Variants in SAMMSON observed in about 807,000 individuals in gnomAD.
SAMMSON encodes long intergenic non-protein coding RNA 1212.
At chr3:70,234,905 A>G (rs1701592927) in intron 4 of SAMMSON, among the ~76,000 whole-genome samples, 1 of 152,164 alleles carries the variant, frequency 6.6e-6, no homozygotes, top group Non-Finnish European at 1.5e-5. Context: ...TGCCTTGGAC[A>G]TCTTCAGCCT....
chr3:70,292,089 TATG>T (rs572681351), intron 7 of SAMMSON: 40 of 152,336 alleles, frequency 2.6e-4, no homozygotes, highest in Admixed American at 2.4e-3. Flanking sequence ...ATGAATACTT[TATG>T]TATTTCAGTC....
intron 3 of SAMMSON, among the ~76,000 whole-genome samples, chr3:70,061,205 T>C (rs1327785329): frequency 6.6e-6 from 1 of 151,714 alleles, no homozygotes; most frequent in African/African-American, 2.4e-5. Flanking sequence ...TGAATTTGGG[T>C]TTGCGTGTGT....
At chr3:70,050,234 G>A (rs2067141212) in intron 3 of SAMMSON, among the ~76,000 whole-genome samples, 1 of 152,078 alleles carries the variant, frequency 6.6e-6, no homozygotes, top group Non-Finnish European at 1.5e-5. Context: ...AAAATATTTT[G>A]CGTTCTGTGT....
intron 7 of SAMMSON, among the ~76,000 whole-genome samples, chr3:70,300,581 A>G (rs1422405970): frequency 6.6e-6 from 1 of 152,052 alleles, no homozygotes; most frequent in Non-Finnish European, 1.5e-5. Flanking sequence ...TTCAAAAATT[A>G]TATTTGATTC....
At chr3:70,265,809 G>C (rs140702269) in intron 6 of SAMMSON, among the ~76,000 whole-genome samples, 1 of 152,132 alleles carries the variant, frequency 6.6e-6, no homozygotes, top group Admixed American at 6.5e-5. Context: ...CTCTTCACAG[G>C]GTGGCAGGAG....
At chr3:70,048,194 A>G (rs2107588501) in intron 3 of SAMMSON, among the ~76,000 whole-genome samples, 1 of 152,184 alleles carries the variant, frequency 6.6e-6, no homozygotes, top group African/African-American at 2.4e-5. Context: ...AGCAGAACAG[A>G]TGTGCTCTCT....
chr3:70,056,715 A>G (rs1055103010), intron 3 of SAMMSON, among the ~76,000 whole-genome samples: 2 of 152,038 alleles, frequency 1.3e-5, no homozygotes, highest in African/African-American at 2.4e-5. Flanking sequence ...TTACATGTTA[A>G]AATACAGTGG....
At chr3:70,228,068 G>C (rs1406291001) in intron 4 of SAMMSON, among the ~76,000 whole-genome samples, 1 of 151,750 alleles carries the variant, frequency 6.6e-6, no homozygotes, top group Non-Finnish European at 1.5e-5. Flanking sequence ...AATGATATCA[G>C]ATTGAATAGG....
intron 6 of SAMMSON, among the ~76,000 whole-genome samples, chr3:70,251,176 A>G (rs1701763864): frequency 6.6e-6 from 1 of 152,204 alleles, no homozygotes; most frequent in Admixed American, 6.5e-5. Context: ...TTCTGCCCAC[A>G]TCTTTGGAGA....
At chr3:70,316,822 A>T (rs1485491409) in intron 7 of SAMMSON, among the ~76,000 whole-genome samples, 1 of 152,016 alleles carries the variant, frequency 6.6e-6, no homozygotes. Context: ...GAAAAATAAC[A>T]CTCAGTGTTA....
At chr3:70,387,257 T>C (rs979466965) in intron 9 of SAMMSON, among the ~76,000 whole-genome samples, 7 of 152,030 alleles carry the variant, frequency 4.6e-5, no homozygotes, top group African/African-American at 1.7e-4. Flanking sequence ...GAATGTTGCA[T>C]ACCATATATG....
At chr3:70,296,660 A>G (rs553861839) in intron 7 of SAMMSON, among the ~76,000 whole-genome samples, 65 of 152,198 alleles carry the variant, frequency 4.3e-4, no homozygotes, top group African/African-American at 1.4e-3. Flanking sequence ...CCCACAGCCA[A>G]TTACCAGCAA....
intron 7 of SAMMSON, among the ~76,000 whole-genome samples, chr3:70,323,535 A>G (rs1191599666): frequency 6.6e-6 from 1 of 152,182 alleles, no homozygotes; most frequent in Non-Finnish European, 1.5e-5. Context: ...GCAGAACTCC[A>G]GGGTGTGTGA....
At chr3:70,398,689 A>C (rs1486480934) in intron 2 of SAMMSON, among the ~76,000 whole-genome samples, 1 of 152,202 alleles carries the variant, frequency 6.6e-6, no homozygotes, top group Non-Finnish European at 1.5e-5. Context: ...TAAATTTTGT[A>C]CTTCATCCCT....
intron 2 of SAMMSON, among the ~76,000 whole-genome samples, chr3:70,409,739 G>A (rs1287782616): frequency 6.6e-6 from 1 of 152,140 alleles, no homozygotes; most frequent in African/African-American, 2.4e-5. Flanking sequence ...TATTATCCTT[G>A]TTGGTGTTGG....
At chr3:70,043,100 G>A (rs1431295772) in intron 3 of SAMMSON, among the ~76,000 whole-genome samples, 1 of 152,056 alleles carries the variant, frequency 6.6e-6, no homozygotes, top group Non-Finnish European at 1.5e-5. Flanking sequence ...TCAAGAACAA[G>A]GCATATCAAA....
intron 7 of SAMMSON, among the ~76,000 whole-genome samples, chr3:70,324,088 G>A (rs1393067373): frequency 6.6e-6 from 1 of 151,896 alleles, no homozygotes; most frequent in African/African-American, 2.4e-5. Flanking sequence ...AGCCCTACAG[G>A]GACTGTTTAA....
At chr3:70,340,862 A>G (rs1050558088) in intron 7 of SAMMSON, among the ~76,000 whole-genome samples, 5 of 152,104 alleles carry the variant, frequency 3.3e-5, no homozygotes, top group Non-Finnish European at 7.4e-5. Flanking sequence ...ACATCAGCAT[A>G]TAGTTGAATC....
chr3:70,156,789 C>A (rs570833245), intron 4 of SAMMSON, among the ~76,000 whole-genome samples: 2 of 152,052 alleles, frequency 1.3e-5, no homozygotes, highest in South Asian at 4.2e-4. Flanking sequence ...AATATTCTTA[C>A]AAAGCATCCT....
Sources: allele counts gnomAD v4.1 joint callset (sites outside exome capture counted in the v4.1 genomes callset), GRCh38; gene constraint gnomAD v4.1.1; transcripts MANE v1.5; gene names NCBI Gene and HGNC (gene_info 2026-07-23, HGNC 2026-07-21).